Variants in LTA4H observed in about 807,000 individuals in gnomAD.
The protein encoded by LTA4H is leukotriene A4 hydrolase, also known as leukotriene A-4 hydrolase.
Under a neutral mutation model 89.8 loss-of-function variants are expected in LTA4H, and 59 were observed. That is an observed-to-expected ratio of 0.66 (90% confidence interval 0.53 to 0.82). LTA4H has a LOEUF of 0.82. LTA4H is among the 40% of genes least tolerant of loss of function. LTA4H has a pLI of 0.00. For missense variants in LTA4H, 617 were observed against 727.0 expected (o/e 0.85, Z 1.74); for synonymous variants, 227 against 253.1 (o/e 0.90, Z 0.98).
chr12:96,027,316 A>T, intron 3 of LTA4H, 128 bp downstream of exon 3: 1 of 720,654 alleles, frequency 1.4e-6, no homozygotes, highest in South Asian at 2.3e-5. Flanking sequence ...ATATGTTTCT[A>T]TAAGATCAAT....
intron 14 of LTA4H, chr12:96,010,595 CAG>C (rs1191304193): frequency 1.3e-5 from 2 of 152,228 alleles, no homozygotes; most frequent in Non-Finnish European, 2.9e-5. Context: ...CCAAAACTGC[CAG>C]TGTGACTGAA....
chr12:96,009,972 A>T (rs1056553827), intron 14 of LTA4H: 1 of 152,184 alleles, frequency 6.6e-6, no homozygotes, highest in Non-Finnish European at 1.5e-5. Flanking sequence ...GGAGACAATA[A>T]AAAGGTCAAC....
chr12:96,004,845 T>C (rs1335326505), intron 16 of LTA4H, among the ~76,000 whole-genome samples: 1 of 152,138 alleles, frequency 6.6e-6, no homozygotes, highest in Non-Finnish European at 1.5e-5. Flanking sequence ...GCCCTAAGTT[T>C]TGCTATACCC....
intron 16 of LTA4H, among the ~76,000 whole-genome samples, chr12:96,004,433 G>A (rs540327813): frequency 6.6e-6 from 1 of 152,188 alleles, no homozygotes; most frequent in Admixed American, 6.5e-5. Flanking sequence ...GATGAATAAT[G>A]TGGACTCTTT....
chr12:96,042,652 A>G (rs560741473), intron 1 of LTA4H, among the ~76,000 whole-genome samples: 1 of 152,360 alleles, frequency 6.6e-6, no homozygotes, highest in South Asian at 2.1e-4. Flanking sequence ...ATATAGACAT[A>G]TAGCTTAGAA....
At chr12:96,009,029 CTTCATGAG>C in intron 15 of LTA4H, 57 bp downstream of exon 15, 1 of 1,207,720 alleles carries the variant, frequency 8.3e-7, no homozygotes, top group Non-Finnish European at 1.2e-6. Flanking sequence ...ACCCTCCCTG[CTTCATGAG>C]TAAAGACATA....
chr12:96,024,813 C>T (rs767225932), intron 3 of LTA4H, among the ~76,000 whole-genome samples: 1 of 152,018 alleles, frequency 6.6e-6, no homozygotes, highest in Non-Finnish European at 1.5e-5. Context: ...GGATTACAGG[C>T]ATGTACCACC....
At chr12:96,013,454 T>G (rs556558164) in intron 13 of LTA4H, among the ~76,000 whole-genome samples, 196 bp from the exon 14 acceptor site, 1 of 152,368 alleles carries the variant, frequency 6.6e-6, no homozygotes, top group East Asian at 1.9e-4. Flanking sequence ...ATGCGATGTT[T>G]TGATATATGT....
chr12:96,031,072 G>T (rs1363833331), intron 1 of LTA4H, among the ~76,000 whole-genome samples: 1 of 152,186 alleles, frequency 6.6e-6, no homozygotes, highest in Non-Finnish European at 1.5e-5. Flanking sequence ...TTCCAAATCT[G>T]TTCAGAATCA....
At position 96,001,024 on chromosome 12, in the gene LTA4H, C is replaced by A; in HGVS notation, c.1801G>T (p.Ala601Ser). ...EHKASMHPVT[A>S]MLVGKDLKVD is the part of the protein sequence containing the mutation. ...TTTAAGTCTTTCCCCACCAGCATTG[C>A]AGTCACGGGATGCATGCTTGCTTTG... The change falls in exon 19 of 19, where the codon GCA becomes TCA. Residue 601 changes from alanine to serine, a missense_variant. Physicochemically the swap from Ala to Ser is moderately conservative, Grantham distance 99. Around this residue, in one of 3 missense-constraint regions of LTA4H, gnomAD observed 290 missense variants for 339.1 expected, o/e 0.86. Transcript: ENST00000228740. 6.2e-7 allele frequency: 1 copy of A among 1,613,844 alleles called. No homozygotes were observed. The highest frequency in any genetic ancestry group is 1.1e-5 in the South Asian group (1 of 91,074).
rs1485978045 is a variant in LTA4H at position 96,022,740 on chromosome 12, G to A, written c.481-489C>T. Among the ~76,000 whole-genome samples, 1 of 152,020 alleles carries A rather than the reference G, an allele frequency of 6.6e-6. No homozygotes were observed. Among genetic ancestry groups the A allele is most frequent in the Non-Finnish European group, 1.5e-5 (1 of 68,004 alleles). Reference sequence around the variant, plus strand: ...ATCAAGTAAGTGTAAAACTTCAAAGGCTTGCTGCAAGGAATAAATAATATA... The same window carrying A: ...ATCAAGTAAGTGTAAAACTTCAAAGACTTGCTGCAAGGAATAAATAATATA... On this transcript the variant is annotated intron_variant, in intron 4 of 18. Coordinates refer to ENST00000228740, the MANE Select transcript of LTA4H (RefSeq NM_000895.3). The surrounding 1 kb of genome is among the most constrained non-coding windows in gnomAD (Gnocchi z 4.0).
chr12:96,009,039 A>G, intron 15 of LTA4H, 55 bp downstream of exon 15: 1 of 1,291,892 alleles, frequency 7.7e-7, no homozygotes. Context: ...CTTCATGAGT[A>G]AAGACATATT....
At chr12:96,041,197 A>G (rs1354872494) in intron 1 of LTA4H, among the ~76,000 whole-genome samples, 1 of 151,990 alleles carries the variant, frequency 6.6e-6, no homozygotes, top group African/African-American at 2.4e-5. Context: ...TGCTTTTATG[A>G]TTTTTTAAAT....
intron 18 of LTA4H, among the ~76,000 whole-genome samples, chr12:96,001,780 G>T (rs566110772): frequency 1.3e-5 from 2 of 151,690 alleles, no homozygotes; most frequent in Admixed American, 6.6e-5. Flanking sequence ...CATTTTTAAT[G>T]TAACTACTAT....
At position 96,013,101 on chromosome 12, in the gene LTA4H, A is replaced by G. The variant is rs562816293; in HGVS notation, c.1379+87T>C. 7 of 1,033,638 alleles carry G rather than the reference A, an allele frequency of 6.8e-6. No individual in the cohort carries two copies. The East Asian group carries it at 1.7e-4, about 25-fold the overall frequency. The allele number at this position is 1,033,638 out of a possible 1,614,324, so 64.0% of individuals were successfully genotyped here. A position where few individuals can be genotyped will look rare whatever the true frequency, so the allele number is the denominator to read the frequency against. On this transcript the variant is annotated intron_variant, in intron 14 of 18. Coordinates refer to ENST00000228740, the MANE Select transcript of LTA4H (RefSeq NM_000895.3). Reference sequence around the variant, plus strand: ...TTCATCATTTACTAGTAACAGTTTCAGGAAGGCATACTATTCTTTCAGATA... The same window carrying G: ...TTCATCATTTACTAGTAACAGTTTCGGGAAGGCATACTATTCTTTCAGATA...
intron 1 of LTA4H, among the ~76,000 whole-genome samples, chr12:96,041,987 T>G (rs1288338537): frequency 4.6e-5 from 1 of 21,748 alleles, no homozygotes; most frequent in African/African-American, 4.5e-4. Context: ...TTTTTTTTTC[T>G]TTTTTTTTTT....
At position 96,035,538 on chromosome 12, in the gene LTA4H, A is replaced by G. The variant is rs757830210; in HGVS notation, c.-19T>C. On this transcript the variant is annotated 5_prime_UTR_variant, in exon 1 of 19. Transcript: ENST00000228740. ...CGGGCATGGCTCTGGGGGATCACAC[A>G]GCACAGCGACCTACAGCCCAACGCT... 1.3e-6 allele frequency: 2 copies of G among 1,590,918 alleles called. No homozygotes were observed. Among genetic ancestry groups the G allele is most frequent in the Non-Finnish European group, 1.7e-6 (2 of 1,166,890 alleles).
At chr12:96,005,290 C>T (rs1405587242) in intron 16 of LTA4H, among the ~76,000 whole-genome samples, 2 of 152,100 alleles carry the variant, frequency 1.3e-5, no homozygotes, top group East Asian at 1.9e-4. Flanking sequence ...CTCCTCTCCC[C>T]GCAACTTACT....
intron 8 of LTA4H, among the ~76,000 whole-genome samples, chr12:96,017,995 T>A (rs1418657092): frequency 6.6e-6 from 1 of 152,184 alleles, no homozygotes; most frequent in East Asian, 1.9e-4. Context: ...CATCACTCAT[T>A]TTGGTTCTAA....
Sources: allele counts gnomAD v4.1 joint callset (sites outside exome capture counted in the v4.1 genomes callset), GRCh38; gene constraint gnomAD v4.1.1; regional missense constraint gnomAD v4.1.1; non-coding constraint Gnocchi (gnomAD v3.1); transcripts MANE v1.5; gene names NCBI Gene and HGNC (gene_info 2026-07-23, HGNC 2026-07-21).